COL4A4: variants seen among roughly 807,000 people sequenced by gnomAD.
COL4A4 encodes the protein collagen type IV alpha 4 chain, also known as collagen alpha-4(IV) chain.
In COL4A4, 105 loss-of-function variants were observed where a neutral mutation model predicts 192.9. That is an observed-to-expected ratio of 0.54 (90% confidence interval 0.46 to 0.64). The LOEUF (loss-of-function observed/expected upper bound fraction) is 0.64. Among genes scored for constraint, COL4A4 ranks in the 30% least tolerant of loss-of-function variants. COL4A4 has a pLI of 0.00. For missense variants in COL4A4, 1,967 were observed against 2,169.3 expected (o/e 0.91, Z 1.85); for synonymous variants, 762 against 769.9 (o/e 0.99, Z 0.17).
intron 4 of COL4A4, among the ~76,000 whole-genome samples, chr2:227,128,194 T>A (rs2062200697): frequency 6.6e-6 from 1 of 152,150 alleles, no homozygotes; most frequent in African/African-American, 2.4e-5. Context: ...AAACCTCTCC[T>A]CTTCCCCCTA....
chr2:227,124,597 A>G (rs938069667), intron 4 of COL4A4, among the ~76,000 whole-genome samples: 1 of 152,270 alleles, frequency 6.6e-6, no homozygotes, highest in African/African-American at 2.4e-5. Flanking sequence ...ACTTAAATAC[A>G]TAAATATGTA....
chr2:227,088,962 G>T, intron 21 of COL4A4, 146 bp from the exon 22 acceptor site: 2 of 948,454 alleles, frequency 2.1e-6, no homozygotes, highest in Non-Finnish European at 3.2e-6. Context: ...CGTGCTGTGG[G>T]GGCTGGGTGT....
rs1244678786 is a variant in COL4A4 at position 227,003,582 on chromosome 2, T to C, written c.*3743A>G. ...AATTTCCTGGAACACACTGAATGGT[T>C]TGCTTTACTGTAATCTACACGAGGT... On this transcript the variant is annotated 3_prime_UTR_variant, in exon 48 of 48. Transcript: ENST00000396625. 1 of 152,082 alleles carries C rather than the reference T, an allele frequency of 6.6e-6. No homozygotes were observed. Among genetic ancestry groups the C allele is most frequent in the African/African-American group, 2.4e-5 (1 of 41,390 alleles). The allele number at this position is 152,082 out of a possible 1,614,324, so 9.4% of individuals were successfully genotyped here.
chr2:227,044,065 C>T (rs1971966093), intron 35 of COL4A4, among the ~76,000 whole-genome samples: 1 of 152,178 alleles, frequency 6.6e-6, no homozygotes, highest in Non-Finnish European at 1.5e-5. Flanking sequence ...TTCAGTTCTT[C>T]TCTAGTTTTC....
chr2:227,138,592 C>T (rs1483705235), intron 4 of COL4A4, among the ~76,000 whole-genome samples: 1 of 151,242 alleles, frequency 6.6e-6, no homozygotes, highest in Non-Finnish European at 1.5e-5. Context: ...GAGATCGCGC[C>T]ACCGCACTCC....
At chr2:226,999,573 A>G (rs960931479), downstream of COL4A4, among the ~76,000 whole-genome samples, 5 of 152,236 alleles carry the variant, frequency 3.3e-5, no homozygotes, top group African/African-American at 1.2e-4. Flanking sequence ...AGAGAGAATG[A>G]TCTTAACATC....
At chr2:227,016,250 ACT>A (rs1434678538) in intron 44 of COL4A4, among the ~76,000 whole-genome samples, 2 of 152,170 alleles carry the variant, frequency 1.3e-5, no homozygotes, top group African/African-American at 4.8e-5. Context: ...TGTCAGCAGC[ACT>A]GAGGTTGAGA....
intron 12 of COL4A4, among the ~76,000 whole-genome samples, chr2:227,105,353 A>T (rs1428461590): frequency 6.6e-6 from 1 of 151,770 alleles, no homozygotes; most frequent in African/African-American, 2.4e-5. Flanking sequence ...CATCGTGCCC[A>T]GCTAATTTTT....
intron 4 of COL4A4, among the ~76,000 whole-genome samples, chr2:227,127,732 T>G (rs763022379): frequency 2.0e-5 from 3 of 152,146 alleles, no homozygotes; most frequent in African/African-American, 4.8e-5. Context: ...ATTTTGTCAG[T>G]AGGAGCACTA....
chr2:226,981,239 A>T, the COL4A4 span, among the ~76,000 whole-genome samples: 1 of 152,146 alleles, frequency 6.6e-6, no homozygotes, highest in African/African-American at 2.4e-5. Context: ...TGGGGGAGGG[A>T]TAGCACTGGG....
rs1967350491 is a variant in COL4A4, at chr2:227,028,021, A to C, written c.3974-12T>G. On this transcript the variant is annotated splice_polypyrimidine_tract_variant and intron_variant, in intron 41 of 47. Coordinates refer to ENST00000396625, the MANE Select transcript of COL4A4 (RefSeq NM_000092.5). ...GAATCCCACTGGTCCTTAAAAAAAAACAAAACATAAAAATGAGGGCACTGG... is the reference window on the plus strand; with the variant it reads ...GAATCCCACTGGTCCTTAAAAAAAACCAAAACATAAAAATGAGGGCACTGG... The C allele has an allele frequency of 1.9e-6, 3 of 1,559,898 alleles. No individual in the cohort carries two copies. Among genetic ancestry groups the C allele is most frequent in the South Asian group, 2.3e-5 (2 of 87,944 alleles).
At chr2:227,021,178 T>C (rs1965941295) in intron 44 of COL4A4, among the ~76,000 whole-genome samples, 1 of 152,108 alleles carries the variant, frequency 6.6e-6, no homozygotes, top group Admixed American at 6.5e-5. Context: ...GAGAACACTT[T>C]TTAAATGGAG....
rs766243664 is a variant in COL4A4 at position 227,111,715 on chromosome 2, T to A, written c.559-2A>T. 1.2e-6 allele frequency: 2 copies of A among 1,613,914 alleles called. No individual in the cohort carries two copies. Among genetic ancestry groups the A allele is most frequent in the Admixed American group, 3.3e-5 (2 of 60,018 alleles). On this transcript the variant is annotated splice_acceptor_variant, in intron 8 of 47. Transcript: ENST00000396625. LOFTEE classifies it high-confidence loss of function. Reference sequence around the variant, plus strand: ...CAGTCCTGGGTCCCCTCTGTCTCCCTGCAAAAATAAGAATGCATTGCTTTA... The same window carrying A: ...CAGTCCTGGGTCCCCTCTGTCTCCCAGCAAAAATAAGAATGCATTGCTTTA...
At chr2:227,013,032 T>C (rs1440285654) in intron 44 of COL4A4, among the ~76,000 whole-genome samples, 1 of 152,214 alleles carries the variant, frequency 6.6e-6, no homozygotes, top group Non-Finnish European at 1.5e-5. Context: ...CCTGACAAGC[T>C]GCAGAGCTCT....
intron 25 of COL4A4, among the ~76,000 whole-genome samples, chr2:227,065,912 C>T (rs1050192787): frequency 2.0e-5 from 3 of 152,156 alleles, no homozygotes; most frequent in Non-Finnish European, 4.4e-5. Context: ...AGGCTTCAGA[C>T]GATCAAATTA....
At chr2:227,035,709 A>G (rs1969518574) in intron 37 of COL4A4, among the ~76,000 whole-genome samples, 1 of 152,156 alleles carries the variant, frequency 6.6e-6, no homozygotes, top group Non-Finnish European at 1.5e-5. Context: ...CTGGGTATTT[A>G]TTGCAATCTA....
intron 25 of COL4A4, among the ~76,000 whole-genome samples, chr2:227,070,509 C>G (rs545624730): frequency 2.0e-5 from 3 of 152,050 alleles, no homozygotes; most frequent in Admixed American, 6.6e-5. Context: ...GAAAATGTGG[C>G]ACATATACAC....
chr2:227,096,802 T>C (rs907587336), intron 19 of COL4A4, among the ~76,000 whole-genome samples: 3 of 152,200 alleles, frequency 2.0e-5, no homozygotes, highest in East Asian at 1.9e-4. Context: ...TACCACATTA[T>C]ACTATATGGC....
In COL4A4 at chr2:227,086,741, G is replaced by A. The variant is rs113318411; in HGVS notation, c.1623+1912C>T. Among the ~76,000 whole-genome samples, 431 of 152,224 alleles carry A rather than the reference G, an allele frequency of 2.8e-3. 1 individual carries two copies. Among genetic ancestry groups the A allele is most frequent in the African/African-American group, 9.9e-3 (411 of 41,548 alleles). On this transcript the variant is annotated intron_variant, in intron 22 of 47. Transcript: ENST00000396625. ...CTAAGTAGCAACTCAACAGGAAGCC[G>A]CAAAAATATTTTAGAGCCATTAAAA...
Sources: gnomAD v4.1 joint callset for allele counts (sites outside exome capture counted in the v4.1 genomes callset) on GRCh38, gnomAD v4.1.1 for gene constraint, MANE v1.5 for transcripts, NCBI Gene and HGNC (gene_info 2026-07-23, HGNC 2026-07-21) for gene names.